CPNE8: variants seen among roughly 807,000 people sequenced by gnomAD.
The protein encoded by CPNE8 is copine-8.
In CPNE8, 45 loss-of-function variants were observed where a neutral mutation model predicts 81.5. The observed-to-expected ratio is 0.55, with a 90% confidence interval of 0.44 to 0.71. The LOEUF is 0.71. Ranked by LOEUF, CPNE8 falls within the 30% of genes least tolerant of loss-of-function variation. CPNE8 has a pLI of 0.00. For missense variants in CPNE8, 594 were observed against 672.1 expected, an observed-to-expected ratio of 0.88 and a Z score of 1.28; for synonymous variants, 252 against 226.3, an observed-to-expected ratio of 1.11 and a Z score of -1.02.
At chr12:38,858,521 G>T (rs767573137) in intron 3 of CPNE8, among the ~76,000 whole-genome samples, 4 of 152,198 alleles carry the variant, frequency 2.6e-5, no homozygotes, top group Non-Finnish European at 4.4e-5. Context: ...TGCAAATTAA[G>T]GAGCAGTGTA....
Position 38,760,404 on chromosome 12 carries a change from G to T in CPNE8, c.722+443C>A, listed in dbSNP as rs1592066301. Among the ~76,000 whole-genome samples, 3 of 139,566 alleles carry T rather than the reference G, an allele frequency of 2.1e-5. No homozygotes were observed. The East Asian group carries it at 6.1e-4, about 28-fold the overall frequency. The allele number at this position is 139,566 out of a possible 152,430, so 91.6% of individuals were successfully genotyped here. A position where few individuals can be genotyped will look rare whatever the true frequency, so the allele number is the denominator to read the frequency against. On this transcript the variant is annotated intron_variant, in intron 10 of 19. Transcript: ENST00000331366. ...CAACTATTTGGTCTGGCAATGACCA[G>T]ACACAATTCTCGAGTTTTGTTGTAT...
At chr12:38,685,294 A>T (rs1438294962) in intron 16 of CPNE8, among the ~76,000 whole-genome samples, 196 bp downstream of exon 16, 1 of 152,192 alleles carries the variant, frequency 6.6e-6, no homozygotes, top group Non-Finnish European at 1.5e-5. Context: ...TTCACTTGAT[A>T]TTTTAATGTA....
rs536636803 is a variant in CPNE8, at chr12:38,836,207, T to A, written c.330+3709A>T. ...GGGCCTAACAGTATAGGGAAAAATA[T>A]CTTAGTAAAGCTATTTCCTCAGAGA... On this transcript the variant is annotated intron_variant, in intron 5 of 19. Transcript: ENST00000331366. 2.6e-5 allele frequency among the ~76,000 whole-genome samples: 4 copies of A among 152,244 alleles called. No individual in the cohort carries two copies. The South Asian group carries it at 8.3e-4, about 32-fold the overall frequency.
intron 3 of CPNE8, among the ~76,000 whole-genome samples, chr12:38,852,082 T>C (rs1188523240): frequency 1.3e-5 from 2 of 152,190 alleles, no homozygotes; most frequent in East Asian, 1.9e-4. Flanking sequence ...GTCTCTCTCA[T>C]AGCACCTGTC....
At chr12:38,838,736 C>G (rs142502769) in intron 5 of CPNE8, among the ~76,000 whole-genome samples, 2 of 152,052 alleles carry the variant, frequency 1.3e-5, no homozygotes, top group Non-Finnish European at 2.9e-5. Context: ...CTTAGACAGA[C>G]TGTTCCTGAA....
At chr12:38,852,445 A>T in intron 3 of CPNE8, among the ~76,000 whole-genome samples, 1 of 150,824 alleles carries the variant, frequency 6.6e-6, no homozygotes, top group Admixed American at 6.6e-5. Flanking sequence ...AAAAAAAAAA[A>T]AAAAAAATTA....
At chr12:38,827,150 A>T (rs1943211924) in intron 6 of CPNE8, among the ~76,000 whole-genome samples, 1 of 143,188 alleles carries the variant, frequency 7.0e-6, no homozygotes, top group South Asian at 2.3e-4. Context: ...CTGGACAACA[A>T]AGGGAGACTC....
intron 15 of CPNE8, among the ~76,000 whole-genome samples, chr12:38,691,988 T>C (rs944523249): frequency 6.6e-6 from 1 of 152,108 alleles, no homozygotes; most frequent in Non-Finnish European, 1.5e-5. Flanking sequence ...TGTGTTTTAA[T>C]TGGGCTCAAA....
intron 11 of CPNE8, chr12:38,726,703 C>T (rs1179289435): frequency 6.6e-6 from 1 of 152,080 alleles, no homozygotes; most frequent in Non-Finnish European, 1.5e-5. Flanking sequence ...AGCATTTTTC[C>T]ACCTACAAAT....
chr12:38,661,390 T>C (rs1591994915), intron 19 of CPNE8, among the ~76,000 whole-genome samples: 1 of 151,972 alleles, frequency 6.6e-6, no homozygotes. Context: ...TTCTCACTCA[T>C]AGGTGGGAAC....
chr12:38,698,544 A>C (rs1426465828), intron 14 of CPNE8, among the ~76,000 whole-genome samples: 1 of 152,146 alleles, frequency 6.6e-6, no homozygotes, highest in Non-Finnish European at 1.5e-5. Flanking sequence ...TAGCTTTTAC[A>C]TTTAAGTATT....
At chr12:38,825,877 A>G (rs1252450717) in intron 6 of CPNE8, among the ~76,000 whole-genome samples, 1 of 152,216 alleles carries the variant, frequency 6.6e-6, no homozygotes, top group Non-Finnish European at 1.5e-5. Context: ...TCTTTCCACT[A>G]GCAAACTAAT....
At chr12:38,657,068 C>A (rs1232367750) in intron 19 of CPNE8, among the ~76,000 whole-genome samples, 1 of 152,136 alleles carries the variant, frequency 6.6e-6, no homozygotes, top group Non-Finnish European at 1.5e-5. Context: ...TGAAGCAGTG[C>A]GGGGTGTCAC....
At chr12:38,691,287 AACTCCTGGGTGC>A (rs1326569050) in intron 15 of CPNE8, among the ~76,000 whole-genome samples, 4 of 152,146 alleles carry the variant, frequency 2.6e-5, no homozygotes, top group Admixed American at 6.5e-5. Context: ...TGAGTTATAC[AACTCCTGGGTGC>A]ACTTTTCTCA....
At chr12:38,789,281 A>C (rs1448533249) in intron 6 of CPNE8, among the ~76,000 whole-genome samples, 1 of 151,746 alleles carries the variant, frequency 6.6e-6, no homozygotes, top group African/African-American at 2.4e-5. Flanking sequence ...AAAATAGAGA[A>C]CCCAGAAACC....
intron 10 of CPNE8, among the ~76,000 whole-genome samples, chr12:38,738,798 TTTC>T (rs1941012578): frequency 6.6e-6 from 1 of 150,684 alleles, no homozygotes; most frequent in Non-Finnish European, 1.5e-5. Flanking sequence ...AATTAAAATT[TTTC>T]TTTTCTTTTT....
At chr12:38,672,165 T>A (rs941388575) in intron 18 of CPNE8, among the ~76,000 whole-genome samples, 30 of 152,174 alleles carry the variant, frequency 2.0e-4, no homozygotes, top group Non-Finnish European at 1.9e-4. Context: ...TTTACAACAA[T>A]TACCCTATAC....
At chr12:38,862,939 A>G (rs1943860141) in intron 3 of CPNE8, among the ~76,000 whole-genome samples, 1 of 152,180 alleles carries the variant, frequency 6.6e-6, no homozygotes, top group South Asian at 2.1e-4. Context: ...AGAGAATGAG[A>G]CTGTGACTCA....
chr12:38,902,323 A>AGGAAGGAAG (rs1944482316), intron 1 of CPNE8, among the ~76,000 whole-genome samples: 1 of 59,446 alleles, frequency 1.7e-5, no homozygotes, highest in Non-Finnish European at 3.0e-5. Context: ...AAGGAAAGAA[A>AGGAAGGAAG]GAAAGAAAGA....
Sources: gnomAD v4.1 joint callset for allele counts (sites outside exome capture counted in the v4.1 genomes callset) on GRCh38, gnomAD v4.1.1 for gene constraint, MANE v1.5 for transcripts, NCBI Gene and HGNC (gene_info 2026-07-23, HGNC 2026-07-21) for gene names.